The following AGBL1 variants were observed in gnomAD, a reference collection of about 807,000 sequenced individuals.
The protein encoded by AGBL1 is AGBL carboxypeptidase 1, also known as cytosolic carboxypeptidase 4.
AGBL1 carries 130 observed loss-of-function variants against 118.9 expected under a neutral mutation model. That is an observed-to-expected ratio of 1.09 (90% CI 0.95 to 1.26). The LOEUF (loss-of-function observed/expected upper bound fraction) is 1.26, where lower values mean the gene tolerates loss of function less well. Ranked by LOEUF, AGBL1 falls within the 50% of genes most tolerant of loss-of-function variation. The pLI is 0.00. For synonymous variants in AGBL1, 555 were observed against 478.9 expected, an observed-to-expected ratio of 1.16 and a Z score of -2.08; for missense variants, 1,584 against 1,298.1, an observed-to-expected ratio of 1.22 and a Z score of -3.38.
chr15:87,020,093 T>C (rs569339603), intron 24 of AGBL1, among the ~76,000 whole-genome samples: 23 of 151,848 alleles, frequency 1.5e-4, no homozygotes, highest in Non-Finnish European at 2.4e-4. Flanking sequence ...AGACCAATAA[T>C]AAGTTCTGAT....
chr15:86,589,619 C>T (rs903393971), intron 21 of AGBL1, among the ~76,000 whole-genome samples: 6 of 152,108 alleles, frequency 3.9e-5, no homozygotes, highest in African/African-American at 1.4e-4. Flanking sequence ...GTTTTGCCTC[C>T]GGATGGCTTG....
intron 5 of AGBL1, among the ~76,000 whole-genome samples, chr15:86,219,666 G>T (rs1054277851): frequency 6.6e-6 from 1 of 151,986 alleles, no homozygotes; most frequent in Non-Finnish European, 1.5e-5. Context: ...ATCTAAACCC[G>T]CTTAAGCTGT....
rs143722767 is a variant in AGBL1 at position 86,307,798 on chromosome 15, A to C, written c.2374+12390A>C. On this transcript the variant is annotated intron_variant, in intron 17 of 22. Coordinates refer to ENST00000614907, the MANE Select transcript of AGBL1 (RefSeq NM_001386094.1). ...TTTTGTTTTTAGTATCTTATAAAAT[A>C]ATTTATATAACATATAGACCTAGAT... Among the ~76,000 whole-genome samples, 617 of 152,282 alleles carry C rather than the reference A, an allele frequency of 4.1e-3. 6 individuals are homozygous for C. The highest frequency in any genetic ancestry group is 0.014 in the African/African-American group (574 of 41,546).
At position 86,257,908 on chromosome 15, in the gene AGBL1, C is replaced by G. The variant is rs2078922089; in HGVS notation, c.902-56C>G. 10 of 1,571,552 alleles carry G rather than the reference C, an allele frequency of 6.4e-6. No homozygotes were observed. In the South Asian group the frequency reaches 1.0e-4, roughly 16 times the overall value. On this transcript the variant is annotated intron_variant, in intron 8 of 22. Coordinates refer to ENST00000614907, the MANE Select transcript of AGBL1 (RefSeq NM_001386094.1). ...CCACTGTATGGTGAAAATCTAAATC[C>G]TAAATCCCGGGCAAAGGGGAAACTT...
At chr15:86,345,898 T>C (rs550894235) in intron 17 of AGBL1, among the ~76,000 whole-genome samples, 1 of 152,288 alleles carries the variant, frequency 6.6e-6, no homozygotes, top group South Asian at 2.1e-4. Context: ...CCATCCTTAC[T>C]CCTTGGCCTT....
chr15:86,834,808 G>T (rs1422444869), intron 22 of AGBL1, among the ~76,000 whole-genome samples: 1 of 152,164 alleles, frequency 6.6e-6, no homozygotes, highest in Non-Finnish European at 1.5e-5. Context: ...TAAAGCGTGA[G>T]ATGCTATGAG....
At chr15:86,812,048 T>C (rs887469973) in intron 22 of AGBL1, among the ~76,000 whole-genome samples, 4 of 152,214 alleles carry the variant, frequency 2.6e-5, no homozygotes, top group African/African-American at 9.6e-5. Flanking sequence ...TCAGATTAAA[T>C]GGTTTGGGTT....
intron 17 of AGBL1, among the ~76,000 whole-genome samples, chr15:86,356,410 A>G (rs1363801269): frequency 6.6e-6 from 1 of 152,154 alleles, no homozygotes; most frequent in East Asian, 1.9e-4. Flanking sequence ...AATGAAAAAA[A>G]ATAGCTAAGG....
At chr15:86,236,343 CTTTTTT>C (rs10531800) in intron 6 of AGBL1, among the ~76,000 whole-genome samples, 73 of 143,646 alleles carry the variant, frequency 5.1e-4, no homozygotes, top group East Asian at 2.2e-3. Context: ...GAAACTACTA[CTTTTTT>C]TTTTTTTTTT....
At chr15:86,217,094 CTTG>C (rs980904546) in intron 5 of AGBL1, among the ~76,000 whole-genome samples, 4 of 152,168 alleles carry the variant, frequency 2.6e-5, no homozygotes, top group Admixed American at 6.5e-5. Flanking sequence ...ATCTCTTTAC[CTTG>C]TTGTTGTTTT....
chr15:86,397,438 G>A lies in AGBL1; in HGVS notation c.2447G>A (p.Gly816Asp). Residue 816 changes from glycine (G) to aspartate (D), a missense_variant, in exon 18 of 23, where the codon GGT (glycine) becomes GAT (aspartate). Physicochemically the swap from Gly to Asp is moderately conservative, Grantham distance 94 (BLOSUM62 -1). Coordinates refer to ENST00000614907, the MANE Select transcript of AGBL1 (RefSeq NM_001386094.1). ...AGCAATGCCAGTTGGGTGATGAAGGGTACCTTGGAGTTCCTGGTCAGCAGT... is the reference window on the plus strand; with the variant it reads ...AGCAATGCCAGTTGGGTGATGAAGGATACCTTGGAGTTCCTGGTCAGCAGT... Reference protein sequence around the residue: ...GESNASWVMKGTLEFLVSSDP... With the variant: ...GESNASWVMKDTLEFLVSSDP... 6.2e-7 allele frequency: 1 copy of A among 1,613,142 alleles called. No individual in the cohort carries two copies. The highest frequency in any genetic ancestry group is 8.5e-7 in the Non-Finnish European group (1 of 1,179,404).
At chr15:86,372,551 T>C (rs1314227912) in intron 17 of AGBL1, among the ~76,000 whole-genome samples, 1 of 152,270 alleles carries the variant, frequency 6.6e-6, no homozygotes, top group Non-Finnish European at 1.5e-5. Flanking sequence ...TCTCTATTTC[T>C]CTCCATTCAT....
intron 11 of AGBL1, among the ~76,000 whole-genome samples, chr15:86,266,021 A>G (rs775289492): frequency 1.2e-4 from 19 of 152,180 alleles, no homozygotes; most frequent in Non-Finnish European, 2.4e-4. Flanking sequence ...GTCTTCCTCA[A>G]AACTTTCTCA....
intron 23 of AGBL1, among the ~76,000 whole-genome samples, chr15:86,948,194 A>G (rs1244130227): frequency 6.6e-6 from 1 of 152,184 alleles, no homozygotes; most frequent in Admixed American, 6.5e-5. Flanking sequence ...ACACCACCAG[A>G]CAGACACCCA....
chr15:86,323,360 A>C (rs1038513846), intron 17 of AGBL1, among the ~76,000 whole-genome samples: 5 of 152,104 alleles, frequency 3.3e-5, no homozygotes, highest in Non-Finnish European at 7.4e-5. Context: ...TAATTATGTA[A>C]ATAACCAAAT....
intron 21 of AGBL1, among the ~76,000 whole-genome samples, chr15:86,586,240 G>C (rs2084246331): frequency 6.6e-6 from 1 of 152,102 alleles, no homozygotes; most frequent in Non-Finnish European, 1.5e-5. Context: ...ATCTAGACAA[G>C]GTACTAGGGA....
At position 86,427,637 on chromosome 15, in the gene AGBL1, G is replaced by A. The variant is rs544356362; in HGVS notation, c.2555+30091G>A. Among the ~76,000 whole-genome samples the A allele has an allele frequency of 3.3e-5, 5 of 151,532 alleles. No individual in the cohort carries two copies. The South Asian group carries it at 1.0e-3, about 32-fold the overall frequency. On this transcript the variant is annotated intron_variant, in intron 18 of 22. Transcript: ENST00000614907. The stretch of plus-strand genomic sequence containing the variant: ...TTTGACTATTTATAGTAGTTTTCAT[G>A]AGACAGCCCCAGTTTATATTTGGTT...
At chr15:86,260,271 C>G (rs12911089) in intron 9 of AGBL1, among the ~76,000 whole-genome samples, 51,720 of 152,128 alleles carry the variant, frequency 0.34, 9,498 homozygotes, top group African/African-American at 0.47. Flanking sequence ...CTGATCCAGG[C>G]CTTTAACCTG....
At chr15:86,770,090 C>G (rs898214044) in intron 22 of AGBL1, among the ~76,000 whole-genome samples, 2 of 151,986 alleles carry the variant, frequency 1.3e-5, no homozygotes, top group Non-Finnish European at 1.5e-5. Context: ...TCAATAGTCC[C>G]TATTGGTTTT....
Sources: gnomAD v4.1 joint callset for allele counts (sites outside exome capture counted in the v4.1 genomes callset) on GRCh38, gnomAD v4.1.1 for gene constraint, MANE v1.5 for transcripts, NCBI Gene and HGNC (gene_info 2026-07-23, HGNC 2026-07-21) for gene names.